Variants in TMEM182 observed in about 807,000 individuals in gnomAD.
The protein encoded by TMEM182 is transmembrane protein 182.
TMEM182 carries 20 observed loss-of-function variants against 26.8 expected under a neutral mutation model. The observed-to-expected ratio is 0.75, with a 90% CI of 0.53 to 1.09. The LOEUF is 1.09. Ranked by LOEUF, TMEM182 falls within the 50% of genes least tolerant of loss-of-function variation. The probability of loss-of-function intolerance (pLI) is 0.00; values close to 1 mark genes in which losing one functional copy is unlikely to be tolerated. For missense variants in TMEM182, 277 were observed against 275.5 expected, an observed-to-expected ratio of 1.01 and a Z score of -0.04; for synonymous variants, 109 against 102.2, an observed-to-expected ratio of 1.07 and a Z score of -0.40.
At chr2:102,819,733 A>G (rs1428424003), downstream of TMEM182, among the ~76,000 whole-genome samples, 1 of 152,232 alleles carries the variant, frequency 6.6e-6, no homozygotes, top group African/African-American at 2.4e-5. Flanking sequence ...GTGCATATAC[A>G]CATATCCAAA....
chr2:102,739,840 A>G (rs1056213063), intron 1 of TMEM182, among the ~76,000 whole-genome samples: 1 of 152,200 alleles, frequency 6.6e-6, no homozygotes, highest in Admixed American at 6.5e-5. Context: ...AGAGGCATGG[A>G]AAACTCATGC....
At chr2:102,812,408 C>T (rs1682588008) in intron 4 of TMEM182, among the ~76,000 whole-genome samples, 4 of 151,210 alleles carry the variant, frequency 2.6e-5, no homozygotes, top group Admixed American at 2.6e-4. Context: ...CACACACACA[C>T]ACACACACAC....
intron 4 of TMEM182, among the ~76,000 whole-genome samples, chr2:102,812,425 A>ACACACG (rs1169764694): frequency 2.3e-4 from 31 of 137,082 alleles, no homozygotes; most frequent in African/African-American, 8.1e-4. Context: ...ACACACACAC[A>ACACACG]CACACTGGTT....
chr2:102,780,832 G>C (rs772003702), intron 3 of TMEM182, among the ~76,000 whole-genome samples: 1 of 152,334 alleles, frequency 6.6e-6, no homozygotes, highest in African/African-American at 2.4e-5. Flanking sequence ...GGTCAAAGTA[G>C]AGGGGTTATT....
intron 4 of TMEM182, among the ~76,000 whole-genome samples, chr2:102,813,848 G>A (rs533491776): frequency 2.6e-5 from 4 of 152,136 alleles, no homozygotes; most frequent in African/African-American, 9.6e-5. Context: ...TGCTAAATTG[G>A]GATGTTGCCC....
chr2:102,822,780 G>T (rs1682951644), intron 3 of TMEM182, among the ~76,000 whole-genome samples: 1 of 152,178 alleles, frequency 6.6e-6, no homozygotes, highest in African/African-American at 2.4e-5. Context: ...AAAAAGTGGA[G>T]TGTGGAGCCT....
At chr2:102,818,525 G>T (rs1212900638), downstream of TMEM182, among the ~76,000 whole-genome samples, 4 of 152,118 alleles carry the variant, frequency 2.6e-5, no homozygotes, top group African/African-American at 9.7e-5. Flanking sequence ...GACAAACCTG[G>T]ACTAGCCTGT....
At chr2:102,765,053 A>G (rs1680371034) in intron 3 of TMEM182, among the ~76,000 whole-genome samples, 1 of 152,114 alleles carries the variant, frequency 6.6e-6, no homozygotes, top group Non-Finnish European at 1.5e-5. Flanking sequence ...TTTCAAAAAT[A>G]GTAGCTATTA....
chr2:102,812,133 G>A (rs898779870), intron 4 of TMEM182, among the ~76,000 whole-genome samples: 1 of 152,002 alleles, frequency 6.6e-6, no homozygotes, highest in Non-Finnish European at 1.5e-5. Flanking sequence ...ATCACTGTAG[G>A]GTTTATTTTA....
At chr2:102,737,051 T>A in intron 1 of TMEM182, 1 of 524,716 alleles carries the variant, frequency 1.9e-6, no homozygotes, top group Non-Finnish European at 3.3e-6. Context: ...ATGATGATGC[T>A]CTTTGTTTCC....
intron 3 of TMEM182, among the ~76,000 whole-genome samples, chr2:102,788,523 A>G (rs1681494958): frequency 3.0e-5 from 1 of 33,024 alleles, no homozygotes; most frequent in Non-Finnish European, 5.6e-5. Flanking sequence ...GCATTGGACT[A>G]TTATTACTCC....
At chr2:102,774,182 T>C (rs1680804232) in intron 3 of TMEM182, among the ~76,000 whole-genome samples, 1 of 150,900 alleles carries the variant, frequency 6.6e-6, no homozygotes, top group African/African-American at 2.4e-5. Context: ...CTTTCTACCA[T>C]AAATATGTCC....
intron 4 of TMEM182, among the ~76,000 whole-genome samples, chr2:102,799,228 G>A (rs1171219820): frequency 6.6e-6 from 1 of 152,222 alleles, no homozygotes; most frequent in Non-Finnish European, 1.5e-5. Context: ...ACAGAATGGA[G>A]AAGGTTACTG....
At chr2:102,835,705 TA>T (rs1384368823) in intron 3 of TMEM182, among the ~76,000 whole-genome samples, 8 of 152,200 alleles carry the variant, frequency 5.3e-5, no homozygotes, top group Non-Finnish European at 8.8e-5. Context: ...TAATTTATTT[TA>T]TTTTTTTATA....
chr2:102,823,341 T>TTA (rs1200631062), intron 3 of TMEM182, among the ~76,000 whole-genome samples: 23 of 152,290 alleles, frequency 1.5e-4, no homozygotes, highest in African/African-American at 5.5e-4. Context: ...TATTTTTTAT[T>TTA]TTTATTTTTT....
intron 3 of TMEM182, among the ~76,000 whole-genome samples, chr2:102,839,693 A>G (rs113746472): frequency 9.9e-5 from 15 of 152,228 alleles, no homozygotes; most frequent in African/African-American, 3.6e-4. Context: ...CTCAAATGCA[A>G]TGTAGCTCTA....
At chr2:102,774,422 AT>A (rs202082656) in intron 3 of TMEM182, among the ~76,000 whole-genome samples, 428 of 140,650 alleles carry the variant, frequency 3.0e-3, no homozygotes, top group East Asian at 0.016. Flanking sequence ...TGCCTGGCTA[AT>A]TTTTTTTTTT....
At chr2:102,762,380 A>G (rs1327837466) in intron 1 of TMEM182, 31 bp downstream of exon 1, 7 of 1,613,242 alleles carry the variant, frequency 4.3e-6, no homozygotes, top group Middle Eastern at 3.3e-4. Context: ...AGTGATGCAC[A>G]TGGTAGTTAT....
At chr2:102,767,907 A>T (rs549722456) in intron 3 of TMEM182, among the ~76,000 whole-genome samples, 1 of 152,248 alleles carries the variant, frequency 6.6e-6, no homozygotes, top group East Asian at 1.9e-4. Flanking sequence ...AAGGTCCTCC[A>T]TCTCAGTATC....
Sources: allele counts gnomAD v4.1 joint callset (sites outside exome capture counted in the v4.1 genomes callset), GRCh38; gene constraint gnomAD v4.1.1; transcripts MANE v1.5; gene names NCBI Gene and HGNC (gene_info 2026-07-23, HGNC 2026-07-21).